The following BBX variants were observed in gnomAD, a reference collection of about 807,000 sequenced individuals.
BBX encodes BBX high mobility group box domain containing, also known as HMG box transcription factor BBX.
BBX carries 30 observed loss-of-function variants against 100.2 expected under a neutral mutation model. The ratio of observed to expected loss-of-function variants is 0.30; its 90% CI spans 0.22 to 0.41. The LOEUF (loss-of-function observed/expected upper bound fraction) is 0.41. BBX is among the 10% of genes least tolerant of loss of function. BBX has a pLI of 1.00. For missense variants in BBX, 1,023 were observed against 1,129.8 expected (o/e 0.91, Z 1.35); for synonymous variants, 376 against 388.1 (o/e 0.97, Z 0.37).
chr3:107,723,821 T>G (rs1324081793), intron 5 of BBX, among the ~76,000 whole-genome samples: 1 of 152,184 alleles, frequency 6.6e-6, no homozygotes. Flanking sequence ...TGTTGGACAT[T>G]TGGGTTGGTT....
intron 2 of BBX, among the ~76,000 whole-genome samples, chr3:107,586,111 TA>T (rs2052815234): frequency 1.3e-5 from 2 of 151,912 alleles, no homozygotes; most frequent in Non-Finnish European, 2.9e-5. Context: ...CTGAAGTTAA[TA>T]AAAAAAATAG....
At chr3:107,531,084 A>G (rs769117005) in intron 2 of BBX, among the ~76,000 whole-genome samples, 2 of 152,204 alleles carry the variant, frequency 1.3e-5, no homozygotes, top group Admixed American at 1.3e-4. Context: ...AGGTCCTCCA[A>G]TTGACTTTGA....
rs2067022483 is a variant in BBX, at chr3:107,772,949, T to A, written c.1228T>A (p.Ser410Thr). Reference sequence around the variant, plus strand: ...CAAATGTAGTCATTTTCCTGATTTTTCTTATTCTGCCAGTAGCAAGATAAT... The same window carrying A: ...CAAATGTAGTCATTTTCCTGATTTTACTTATTCTGCCAGTAGCAAGATAAT... ...DHKCSHFPDF[S>T]YSASSKIIIS... is the part of the protein sequence containing the mutation. Residue 410 changes from serine (S) to threonine (T), a missense_variant, in exon 11 of 18, where the codon TCT becomes ACT. Transcript: ENST00000325805. 1 of 1,612,448 alleles carries A rather than the reference T, an allele frequency of 6.2e-7. No homozygotes were observed. The highest frequency in any genetic ancestry group is 1.3e-5 in the African/African-American group (1 of 74,834).
Position 107,710,701 on chromosome 3 carries a change from A to T in BBX, c.162+79A>T, listed in dbSNP as rs146886977. On this transcript the variant is annotated intron_variant, in intron 4 of 17. Transcript: ENST00000325805. Reference sequence around the variant, plus strand: ...CTAGAAACAATAGTGAACATGAATGATATTACAAAAGTGTTTCCAAAAGCC... The same window carrying T: ...CTAGAAACAATAGTGAACATGAATGTTATTACAAAAGTGTTTCCAAAAGCC... 8.8e-4 allele frequency: 1,160 copies of T among 1,323,814 alleles called. 9 individuals carry two copies. In the African/African-American group the frequency reaches 0.016, roughly 18 times the overall value. 82.0% of individuals were successfully genotyped at this position (1,323,814 alleles called of 1,614,324 possible).
rs568405403 is a variant in BBX at position 107,617,816 on chromosome 3, A to G, written c.-83-28020A>G. Among the ~76,000 whole-genome samples the G allele has an allele frequency of 1.3e-4, 19 of 151,922 alleles. No individual in the cohort carries two copies. The South Asian group carries it at 3.7e-3, about 30-fold the overall frequency. ...AGATTCCTTGGGATTTTCTGTATAG[A>G]TTATCATGTCATCTGTAAATAGGGA... On this transcript the variant is annotated intron_variant, in intron 2 of 17. Coordinates refer to ENST00000325805, the MANE Select transcript of BBX (RefSeq NM_001142568.3).
intron 3 of BBX, among the ~76,000 whole-genome samples, chr3:107,669,421 G>A (rs2058914736): frequency 6.6e-6 from 1 of 152,096 alleles, no homozygotes; most frequent in African/African-American, 2.4e-5. Flanking sequence ...AAAGGCAAAG[G>A]AAGTTTGAGG....
At chr3:107,687,351 C>T (rs1334047414) in intron 3 of BBX, among the ~76,000 whole-genome samples, 3 of 142,968 alleles carry the variant, frequency 2.1e-5, no homozygotes, top group Non-Finnish European at 3.1e-5. Flanking sequence ...TTTTTTTTAA[C>T]GAGTATAAAG....
chr3:107,654,571 C>T (rs1453478345), intron 3 of BBX, among the ~76,000 whole-genome samples: 4 of 152,154 alleles, frequency 2.6e-5, no homozygotes, highest in East Asian at 1.9e-4. Context: ...AGATTGTCAG[C>T]TCCAAAATGC....
chr3:107,777,267 C>G (rs1360786085), intron 12 of BBX, among the ~76,000 whole-genome samples: 1 of 152,144 alleles, frequency 6.6e-6, no homozygotes, highest in Non-Finnish European at 1.5e-5. Context: ...GTATATCCCC[C>G]CTCCAGTAAA....
intron 2 of BBX, among the ~76,000 whole-genome samples, chr3:107,529,455 G>A (rs564415263): frequency 6.6e-6 from 1 of 152,288 alleles, no homozygotes; most frequent in East Asian, 1.9e-4. Flanking sequence ...TTTTTATCGT[G>A]TGTCCCAGGG....
At chr3:107,753,523 T>G (rs1156331519) in intron 9 of BBX, among the ~76,000 whole-genome samples, 1 of 152,172 alleles carries the variant, frequency 6.6e-6, no homozygotes, top group Non-Finnish European at 1.5e-5. Flanking sequence ...TTACTAAACC[T>G]AAGGAGAGCA....
chr3:107,689,421 A>G (rs1204120105), intron 3 of BBX, among the ~76,000 whole-genome samples: 1 of 152,196 alleles, frequency 6.6e-6, no homozygotes, highest in East Asian at 1.9e-4. Context: ...ATGTTAAGAT[A>G]TGTTTGTTCC....
intron 5 of BBX, among the ~76,000 whole-genome samples, chr3:107,727,794 T>C (rs1237716746): frequency 1.3e-5 from 2 of 152,176 alleles, no homozygotes; most frequent in Non-Finnish European, 2.9e-5. Flanking sequence ...TTGGAAGTTA[T>C]AGTTAGTTCA....
At chr3:107,799,227 C>T (rs1274940046) in intron 16 of BBX, among the ~76,000 whole-genome samples, 1 of 152,046 alleles carries the variant, frequency 6.6e-6, no homozygotes, top group Non-Finnish European at 1.5e-5. Context: ...TGTTGGGCTG[C>T]ATTCAAAGCT....
At chr3:107,545,613 G>T (rs2049175919) in intron 2 of BBX, among the ~76,000 whole-genome samples, 1 of 152,146 alleles carries the variant, frequency 6.6e-6, no homozygotes, top group South Asian at 2.1e-4. Context: ...TGGAAAAATG[G>T]TAATGCCTTC....
intron 4 of BBX, 113 bp from the exon 5 acceptor site, chr3:107,716,494 A>G: frequency 7.9e-7 from 1 of 1,267,722 alleles, no homozygotes. Flanking sequence ...TTCAATGTGT[A>G]AGTTGTTTAA....
intron 2 of BBX, among the ~76,000 whole-genome samples, chr3:107,554,120 A>G (rs777824974): frequency 1.3e-5 from 2 of 152,132 alleles, no homozygotes; most frequent in Non-Finnish European, 2.9e-5. Context: ...AGAGAAGGTA[A>G]AGGGATTTGG....
At chr3:107,701,818 A>G (rs2061078430) in intron 3 of BBX, among the ~76,000 whole-genome samples, 1 of 151,974 alleles carries the variant, frequency 6.6e-6, no homozygotes, top group East Asian at 1.9e-4. Context: ...TCATCTGTAA[A>G]AAAAAAAAGG....
chr3:107,567,779 A>G (rs1028713084), intron 2 of BBX, among the ~76,000 whole-genome samples: 3 of 152,022 alleles, frequency 2.0e-5, no homozygotes, highest in Non-Finnish European at 4.4e-5. Context: ...TCCACTTTCC[A>G]GACTTTTCTT....
Sources: gnomAD v4.1 joint callset for allele counts (sites outside exome capture counted in the v4.1 genomes callset) on GRCh38, gnomAD v4.1.1 for gene constraint, MANE v1.5 for transcripts, NCBI Gene and HGNC (gene_info 2026-07-23, HGNC 2026-07-21) for gene names.